RUFY1: variants seen among roughly 807,000 people sequenced by gnomAD.
RUFY1 encodes the protein RUN and FYVE domain-containing protein 1.
Under a neutral mutation model 94.6 loss-of-function variants are expected in RUFY1, and 54 were observed. The observed-to-expected ratio is 0.57, with a 90% CI of 0.46 to 0.72. The LOEUF (loss-of-function observed/expected upper bound fraction) is 0.72. Ranked by LOEUF, RUFY1 falls within the 30% of genes least tolerant of loss-of-function variation. RUFY1 has a pLI of 0.00. For synonymous variants in RUFY1, 396 were observed against 347.3 expected, an observed-to-expected ratio of 1.14 and a Z score of -1.56; for missense variants, 883 against 883.9, an observed-to-expected ratio of 1.00 and a Z score of 0.01.
At position 179,560,521 on chromosome 5, in the gene RUFY1, C is replaced by T. The variant is rs371144561; in HGVS notation, c.484+323C>T. Among the ~76,000 whole-genome samples the T allele has an allele frequency of 4.6e-5, 7 of 151,020 alleles. No homozygotes were observed. The East Asian group carries it at 5.9e-4, about 13-fold the overall frequency. On this transcript the variant is annotated intron_variant, in intron 2 of 17. Transcript: ENST00000319449. Reference sequence around the variant, plus strand: ...GATCACGAGGTCAGGATATCGAGACCATCCTGGCTAACACGGTGAAACCCG... The same window carrying T: ...GATCACGAGGTCAGGATATCGAGACTATCCTGGCTAACACGGTGAAACCCG...
At chr5:179,559,561 C>T in intron 1 of RUFY1, 1 of 651,926 alleles carries the variant, frequency 1.5e-6, no homozygotes, top group Non-Finnish European at 1.9e-6. Context: ...AAAATGGCGC[C>T]CACCAGCTCC....
At position 179,601,817 on chromosome 5, in the gene RUFY1, CAAAAAAAAAAAAA is replaced by C. The variant is rs56169514; in HGVS notation, c.1762-61_1762-49del. On this transcript the variant is annotated intron_variant, in intron 14 of 17. Transcript: ENST00000319449. ...CTGGCAACAGAGCAAGACCCTGTCT[CAAAAAAAAAAAAA>C]AAAAAAAAAAAAAGGACCGTGTAAT... 4.2e-3 allele frequency: 2,163 copies of C among 518,142 alleles called. 2 individuals carry two copies. The highest frequency in any genetic ancestry group is 6.0e-3 in the South Asian group (339 of 56,228). 32.1% of individuals were successfully genotyped at this position (518,142 alleles called of 1,614,324 possible). A position where few individuals can be genotyped will look rare whatever the true frequency, so the allele number is the denominator to read the frequency against.
At position 179,592,193 on chromosome 5, in the gene RUFY1, C is replaced by T. The variant is rs563962015; in HGVS notation, c.1245+452C>T. Among the ~76,000 whole-genome samples the T allele has an allele frequency of 2.7e-4, 41 of 150,772 alleles. 1 individual carries two copies. The South Asian group carries it at 7.8e-3, about 29-fold the overall frequency. On this transcript the variant is annotated intron_variant, in intron 10 of 17. Transcript: ENST00000319449. ...AGAGTGCAGTGGTGTGATCTCGGCT[C>T]ACTGCAACGTCTGCCTCCCAGGTTC...
chr5:179,605,169 C>T (rs891469548), intron 15 of RUFY1, among the ~76,000 whole-genome samples: 2 of 150,770 alleles, frequency 1.3e-5, no homozygotes, highest in Non-Finnish European at 2.9e-5. Flanking sequence ...GTCGCAGCTA[C>T]TTGGGAGACT....
intron 1 of RUFY1, among the ~76,000 whole-genome samples, chr5:179,556,699 C>T (rs1762133665): frequency 6.6e-6 from 1 of 151,932 alleles, no homozygotes; most frequent in African/African-American, 2.4e-5. Context: ...CGGGTTTTAC[C>T]ATGTTGGCCA....
intron 5 of RUFY1, among the ~76,000 whole-genome samples, chr5:179,574,678 T>C (rs1337920571): frequency 6.6e-6 from 1 of 151,598 alleles, no homozygotes; most frequent in Non-Finnish European, 1.5e-5. Flanking sequence ...TAAGCTAGAG[T>C]TGTATGAAAG....
In RUFY1 at chr5:179,598,835, T is replaced by C; in HGVS notation, c.1761+14T>C. On this transcript the variant is annotated intron_variant, in intron 14 of 17. Coordinates refer to ENST00000319449, the MANE Select transcript of RUFY1 (RefSeq NM_025158.5). The stretch of plus-strand genomic sequence containing the variant: ...GGACTGAAAAAGGTGAGGTGGGCCA[T>C]CCCGGGAGAGGAGAGCCTCTGGCAG... 6.2e-7 allele frequency: 1 copy of C among 1,613,982 alleles called. No individual in the cohort carries two copies. The highest frequency in any genetic ancestry group is 8.5e-7 in the Non-Finnish European group (1 of 1,179,922).
intron 2 of RUFY1, among the ~76,000 whole-genome samples, chr5:179,561,678 CTTTTTTTTTTT>C (rs71001004): frequency 1.5e-5 from 1 of 64,606 alleles, no homozygotes; most frequent in Non-Finnish European, 2.8e-5. Flanking sequence ...TTTTTTCTTT[CTTTTTTTTTTT>C]TTTTTTTTTT....
intron 10 of RUFY1, among the ~76,000 whole-genome samples, chr5:179,592,433 T>A (rs2127556187): frequency 6.6e-6 from 1 of 152,194 alleles, no homozygotes; most frequent in East Asian, 1.9e-4. Flanking sequence ...TTTGTATTTT[T>A]AGTAGAAACG....
intron 7 of RUFY1, among the ~76,000 whole-genome samples, chr5:179,584,694 T>G (rs1301945159): frequency 2.0e-5 from 3 of 151,808 alleles, no homozygotes; most frequent in Non-Finnish European, 4.4e-5. Context: ...CCTTGGAGGT[T>G]GAGGCTACAG....
At chr5:179,559,576 G>T in intron 1 of RUFY1, 1 of 766,578 alleles carries the variant, frequency 1.3e-6, no homozygotes, top group Non-Finnish European at 1.6e-6. Flanking sequence ...AGCTCCGTAG[G>T]AGAGGCCTTG....
In RUFY1 at chr5:179,596,617, C is replaced by T. The variant is rs1581536541; in HGVS notation, c.1567C>T (p.Gln523Ter). 1 of 1,613,184 alleles carries T rather than the reference C, an allele frequency of 6.2e-7. No homozygotes were observed. Among genetic ancestry groups the T allele is most frequent in the Non-Finnish European group, 8.5e-7 (1 of 1,179,922 alleles). ...QGAEERSHKL[Q>*]QELGGRIGAL... ...GGCTGAGGAGCGGAGCCACAAGCTGCAGCAGGAGCTGGGCGGGAGGATCGG... is the reference window on the plus strand; with the variant it reads ...GGCTGAGGAGCGGAGCCACAAGCTGTAGCAGGAGCTGGGCGGGAGGATCGG... The change falls in exon 13 of 18, where the codon CAG (glutamine) becomes TAG (stop). Residue 523 changes from glutamine (Q) to a stop codon, truncating the protein, a stop_gained. Coordinates refer to ENST00000319449, the MANE Select transcript of RUFY1 (RefSeq NM_025158.5). LOFTEE classifies it high-confidence loss of function.
chr5:179,559,845 T>A, intron 1 of RUFY1, 180 bp from the exon 2 acceptor site: 1 of 1,381,552 alleles, frequency 7.2e-7, no homozygotes. Context: ...GGTAGGGGGC[T>A]GTGGCCTCTA....
rs58516903 is a variant in RUFY1, at chr5:179,569,573, C to G, written c.828+148C>G. 7 of 792,430 alleles carry G rather than the reference C, an allele frequency of 8.8e-6. No homozygotes were observed. The highest frequency in any genetic ancestry group is 2.4e-4 in the Middle Eastern group (1 of 4,242). The allele number at this position is 792,430 out of a possible 1,614,324, so 49.1% of individuals were successfully genotyped here. On this transcript the variant is annotated intron_variant, in intron 5 of 17. Coordinates refer to ENST00000319449, the MANE Select transcript of RUFY1 (RefSeq NM_025158.5). The stretch of plus-strand genomic sequence containing the variant: ...CCAGGGATGCAGCTGGGGAAGGTCT[C>G]GGAAGGGTGAAGAAGTTGCATAGCC...
intron 1 of RUFY1, chr5:179,559,812 C>G: frequency 1.5e-6 from 2 of 1,322,900 alleles, no homozygotes; most frequent in African/African-American, 1.5e-5. Context: ...AGTGGCTCTT[C>G]TGACCCAAGG....
chr5:179,599,819 C>T (rs1186283606), intron 14 of RUFY1, among the ~76,000 whole-genome samples: 2 of 152,286 alleles, frequency 1.3e-5, no homozygotes, highest in Admixed American at 6.5e-5. Context: ...CTCCCCTCGG[C>T]ACCTGCCCCG....
chr5:179,590,610 C>A (rs139273338), intron 9 of RUFY1, among the ~76,000 whole-genome samples: 4,135 of 149,232 alleles, frequency 0.028, 198 homozygotes, highest in African/African-American at 0.097. Context: ...TCAGCCTCCC[C>A]AGTAGCTGGG....
intron 8 of RUFY1, among the ~76,000 whole-genome samples, chr5:179,588,204 C>CT (rs1764762595): frequency 2.0e-5 from 3 of 152,270 alleles, no homozygotes; most frequent in Admixed American, 2.0e-4. Flanking sequence ...GGTTCTGAGT[C>CT]TAAGTGGAGA....
At chr5:179,607,114 A>G (rs13179241) in intron 16 of RUFY1, 13,997 of 178,528 alleles carry the variant, frequency 0.078, 609 homozygotes, top group Middle Eastern at 0.11. Context: ...CCCGCTGTCC[A>G]TCACCTTCTG....
Sources: gnomAD v4.1 joint callset for allele counts (sites outside exome capture counted in the v4.1 genomes callset) on GRCh38, gnomAD v4.1.1 for gene constraint, MANE v1.5 for transcripts, NCBI Gene and HGNC (gene_info 2026-07-23, HGNC 2026-07-21) for gene names.